TRIM2: variants seen among roughly 807,000 people sequenced by gnomAD.
TRIM2 encodes the protein tripartite motif containing 2, also known as tripartite motif-containing protein 2.
A neutral mutation model predicts 75.2 loss-of-function variants in TRIM2; 20 were observed. That is an observed-to-expected ratio of 0.27 (90% CI 0.19 to 0.39). The LOEUF is 0.39. TRIM2 is among the 10% of genes least tolerant of loss of function. The probability of loss-of-function intolerance (pLI) is 1.00; values close to 1 mark genes in which losing one functional copy is unlikely to be tolerated. For missense variants in TRIM2, 660 were observed against 990.8 expected, an observed-to-expected ratio of 0.67 and a Z score of 4.48; for synonymous variants, 373 against 388.3, an observed-to-expected ratio of 0.96 and a Z score of 0.46.
At chr4:153,317,012 C>T (rs1390668332) in intron 8 of TRIM2, among the ~76,000 whole-genome samples, 1 of 149,348 alleles carries the variant, frequency 6.7e-6, no homozygotes, top group Non-Finnish European at 1.5e-5. Flanking sequence ...TCCTGAGTAG[C>T]TGGGACTACA....
intron 1 of TRIM2, among the ~76,000 whole-genome samples, chr4:153,207,284 C>T (rs1339001451): frequency 2.0e-5 from 3 of 152,138 alleles, no homozygotes; most frequent in Non-Finnish European, 1.5e-5. Context: ...CTATGCGGTG[C>T]GGTGGCCGAT....
chr4:153,195,376 G>A (rs1733661863), intron 1 of TRIM2, among the ~76,000 whole-genome samples: 1 of 152,124 alleles, frequency 6.6e-6, no homozygotes. Context: ...AGCTGGGTGT[G>A]GTGGCATGTG....
chr4:153,280,527 G>A (rs370761393), intron 3 of TRIM2, among the ~76,000 whole-genome samples: 3 of 151,880 alleles, frequency 2.0e-5, no homozygotes, highest in Admixed American at 2.0e-4. Flanking sequence ...TGGGACTACA[G>A]GAACATGCTA....
chr4:153,294,559 A>T, intron 5 of TRIM2, 74 bp downstream of exon 5: 1 of 1,467,310 alleles, frequency 6.8e-7, no homozygotes, highest in Non-Finnish European at 9.3e-7. Flanking sequence ...GTTTCCTAAT[A>T]GCAACAAGGG....
At chr4:153,168,831 G>A (rs2149608181) in intron 1 of TRIM2, among the ~76,000 whole-genome samples, 1 of 152,298 alleles carries the variant, frequency 6.6e-6, no homozygotes, top group South Asian at 2.1e-4. Context: ...GCACTCACCT[G>A]TAATCCCAGC....
chr4:153,230,911 T>A (rs1481109777), intron 1 of TRIM2, among the ~76,000 whole-genome samples: 1 of 152,222 alleles, frequency 6.6e-6, no homozygotes, highest in African/African-American at 2.4e-5. Flanking sequence ...TGAGCAAGGC[T>A]TTACTGTTTA....
intron 1 of TRIM2, among the ~76,000 whole-genome samples, chr4:153,181,599 C>T (rs749640302): frequency 3.3e-5 from 5 of 152,206 alleles, no homozygotes; most frequent in Non-Finnish European, 7.4e-5. Flanking sequence ...AACCTTCCCT[C>T]ATGCGCCAGG....
intron 1 of TRIM2, among the ~76,000 whole-genome samples, chr4:153,170,501 G>A (rs1022636770): frequency 2.0e-5 from 3 of 152,046 alleles, no homozygotes; most frequent in South Asian, 2.1e-4. Context: ...AGCATCTGCC[G>A]CATGGTTGCT....
chr4:153,243,834 A>C, intron 1 of TRIM2, among the ~76,000 whole-genome samples: 1 of 106,354 alleles, frequency 9.4e-6, no homozygotes. Context: ...CCCCCTTGAG[A>C]CAGGATCTCT....
chr4:153,294,415 A>G lies in TRIM2; in HGVS notation c.716A>G (p.Gln239Arg). ...ATTCATTCCACCTTTGATGAGCTCC[A>G]GAAGACTTTAAATGTGCGCAAGAGT... The part of the protein sequence containing the change: ...DDIHSTFDEL[Q>R]KTLNVRKSVL... The change falls in exon 5 of 12, where the codon CAG becomes CGG. Residue 239 changes from glutamine (Q) to arginine (R), a missense_variant. Gln to Arg is a conservative substitution (Grantham distance 43). Around this residue, in one of 2 missense-constraint regions of TRIM2, gnomAD observed 620 missense variants for 891.0 expected, o/e 0.70. Coordinates refer to ENST00000338700, the MANE Select transcript of TRIM2 (RefSeq NM_015271.5). 1.2e-6 allele frequency: 2 copies of G among 1,614,200 alleles called. No individual in the cohort carries two copies. The highest frequency in any genetic ancestry group is 1.1e-5 in the South Asian group (1 of 91,086).
At chr4:153,186,597 C>T (rs966299953) in intron 1 of TRIM2, among the ~76,000 whole-genome samples, 4 of 152,140 alleles carry the variant, frequency 2.6e-5, no homozygotes, top group African/African-American at 4.8e-5. Context: ...ATCTTCTCCT[C>T]GAGTTACACA....
At chr4:153,232,033 T>C (rs1029031246) in intron 1 of TRIM2, among the ~76,000 whole-genome samples, 7 of 152,100 alleles carry the variant, frequency 4.6e-5, no homozygotes, top group Non-Finnish European at 1.0e-4. Flanking sequence ...CCAGTCAGTA[T>C]CTGCACATAT....
At chr4:153,328,498 AAAAC>A in intron 10 of TRIM2, 28 bp from the exon 11 acceptor site, 1 of 1,573,632 alleles carries the variant, frequency 6.4e-7, no homozygotes, top group Non-Finnish European at 8.6e-7. Flanking sequence ...ATTTTGATGT[AAAAC>A]AAAATAATTT....
At chr4:153,169,456 T>C (rs1730630393) in intron 1 of TRIM2, among the ~76,000 whole-genome samples, 1 of 152,240 alleles carries the variant, frequency 6.6e-6, no homozygotes, top group Admixed American at 6.5e-5. Flanking sequence ...ATAAACTGTG[T>C]AATATGCTCT....
At chr4:153,243,857 C>G (rs1747376670) in intron 1 of TRIM2, among the ~76,000 whole-genome samples, 1 of 139,474 alleles carries the variant, frequency 7.2e-6, no homozygotes, top group Admixed American at 7.5e-5. Context: ...TTCTATTGCC[C>G]AGACTGGAGA....
intron 1 of TRIM2, chr4:153,265,704 A>G (rs1438256497): frequency 1.3e-5 from 2 of 152,160 alleles, no homozygotes; most frequent in Admixed American, 1.3e-4. Flanking sequence ...ATTCTTGCTC[A>G]GGGGCAATAT....
At chr4:153,334,082 G>T (rs1005162211) in intron 11 of TRIM2, among the ~76,000 whole-genome samples, 14 of 151,814 alleles carry the variant, frequency 9.2e-5, no homozygotes, top group African/African-American at 3.4e-4. Flanking sequence ...TTATAAGTGT[G>T]GGGGAGGAAA....
At chr4:153,262,998 T>C (rs745548020) in intron 1 of TRIM2, among the ~76,000 whole-genome samples, 1 of 152,240 alleles carries the variant, frequency 6.6e-6, no homozygotes, top group Non-Finnish European at 1.5e-5. Flanking sequence ...CACTAATGTT[T>C]ACCCTCTGGA....
intron 1 of TRIM2, among the ~76,000 whole-genome samples, chr4:153,226,239 T>A (rs917487788): frequency 6.6e-6 from 1 of 152,326 alleles, no homozygotes; most frequent in African/African-American, 2.4e-5. Context: ...TTTTCAATAT[T>A]TTCCTTTTTC....
Sources: gnomAD v4.1 joint callset for allele counts (sites outside exome capture counted in the v4.1 genomes callset) on GRCh38, gnomAD v4.1.1 for gene constraint, gnomAD v4.1.1 regional missense constraint, MANE v1.5 for transcripts, NCBI Gene and HGNC (gene_info 2026-07-23, HGNC 2026-07-21) for gene names.